The following ARHGEF18 variants were observed in gnomAD, a reference collection of about 807,000 sequenced individuals.
The protein encoded by ARHGEF18 is rho guanine nucleotide exchange factor 18.
A neutral mutation model predicts 155.7 loss-of-function variants in ARHGEF18; 93 were observed. That is an observed-to-expected ratio of 0.60 (90% CI 0.50 to 0.71). The LOEUF (loss-of-function observed/expected upper bound fraction) is 0.71. Ranked by LOEUF, ARHGEF18 falls within the 30% of genes least tolerant of loss-of-function variation. ARHGEF18 has a pLI of 0.00. For synonymous variants in ARHGEF18, 742 were observed against 753.1 expected, an observed-to-expected ratio of 0.99 and a Z score of 0.24; for missense variants, 1,593 against 1,816.1, an observed-to-expected ratio of 0.88 and a Z score of 2.23.
chr19:7,457,354 T>TC (rs1975905936), intron 18 of ARHGEF18, among the ~76,000 whole-genome samples: 1 of 25,962 alleles, frequency 3.9e-5, no homozygotes, highest in African/African-American at 2.0e-4. Flanking sequence ...ATCACCTCTC[T>TC]TTTTTTTTTT....
chr19:7,380,462 G>A (rs2145438694), intron 7 of ARHGEF18, among the ~76,000 whole-genome samples: 1 of 146,452 alleles, frequency 6.8e-6, no homozygotes, highest in African/African-American at 2.6e-5. Context: ...CTGGGTGACA[G>A]AGCGAGACTC....
At chr19:7,398,700 A>AT (rs1555708451) in intron 10 of ARHGEF18, among the ~76,000 whole-genome samples, 4 of 139,602 alleles carry the variant, frequency 2.9e-5, no homozygotes, top group African/African-American at 1.2e-4. Flanking sequence ...CAAAAAAAAA[A>AT]AAAAAAATAA....
At chr19:7,457,131 CAT>C (rs1422466494) in intron 18 of ARHGEF18, among the ~76,000 whole-genome samples, 2 of 152,060 alleles carry the variant, frequency 1.3e-5, no homozygotes, top group Non-Finnish European at 2.9e-5. Context: ...TTTATTGTCT[CAT>C]GTTTCTGCAG....
chr19:7,473,806 C>G (rs533632331), downstream of ARHGEF18, among the ~76,000 whole-genome samples: 162 of 72,388 alleles, frequency 2.2e-3, 1 homozygote, highest in African/African-American at 0.01. Context: ...GAGACTCCGT[C>G]TCAAAAAAAA....
intron 18 of ARHGEF18, among the ~76,000 whole-genome samples, chr19:7,458,214 G>T (rs970743344): frequency 6.7e-6 from 1 of 150,288 alleles, no homozygotes; most frequent in African/African-American, 2.5e-5. Flanking sequence ...TTGAGCCCAG[G>T]AGGTCAAGGC....
chr19:7,439,479 G>T (rs1974489824), intron 10 of ARHGEF18, among the ~76,000 whole-genome samples: 1 of 151,994 alleles, frequency 6.6e-6, no homozygotes, highest in Non-Finnish European at 1.5e-5. Flanking sequence ...TTAAAAAGTT[G>T]CATCTTTCCA....
chr19:7,469,100 G>C lies in ARHGEF18; in HGVS notation c.3756G>C (p.Lys1252Asn). The C allele has an allele frequency of 6.2e-7, 1 of 1,607,766 alleles. No individual in the cohort carries two copies. Among genetic ancestry groups the C allele is most frequent in the South Asian group, 1.1e-5 (1 of 90,150 alleles). Reference protein sequence around the residue: ...STKGGKDKGGKSRGSQRWESS... With the variant: ...STKGGKDKGGNSRGSQRWESS... ...AGGGTGGCAAGGACAAGGGCGGCAA[G>C]AGCAGGGGCTCTCAGCGCTGGGAGA... is the stretch of plus-strand genomic sequence containing the variant. Residue 1252 changes from lysine to asparagine, a missense_variant, in exon 27 of 29, where the codon AAG (lysine) becomes AAC (asparagine). Coordinates refer to ENST00000668164, the MANE Select transcript of ARHGEF18 (RefSeq NM_001367823.1).
intron 4 of ARHGEF18, 72 bp downstream of exon 4, chr19:7,375,942 A>AG: frequency 8.1e-7 from 1 of 1,231,488 alleles, no homozygotes; most frequent in East Asian, 3.2e-5. Flanking sequence ...ATAGGTAGGA[A>AG]GGAGAGACTT....
rs80097936 is a variant in ARHGEF18, at chr19:7,386,531, T to C, written c.967+3328T>C. On this transcript the variant is annotated intron_variant, in intron 10 of 28. Transcript: ENST00000668164. The stretch of plus-strand genomic sequence containing the variant: ...TCCAGGGATAGCCTCTCCGAATTGG[T>C]GACATTGGAATCCAGATGTGGAGGA... 2.4e-3 allele frequency among the ~76,000 whole-genome samples: 366 copies of C among 151,930 alleles called. 15 individuals are homozygous for C. In the East Asian group the frequency reaches 0.064, roughly 27 times the overall value.
At chr19:7,476,290 T>C (rs1977225243), downstream of ARHGEF18, among the ~76,000 whole-genome samples, 1 of 152,186 alleles carries the variant, frequency 6.6e-6, no homozygotes, top group East Asian at 1.9e-4. Flanking sequence ...CCAGCCTGGG[T>C]GACAGAGATC....
chr19:7,367,134 T>G (rs2145369841), intron 2 of ARHGEF18, among the ~76,000 whole-genome samples: 1 of 152,268 alleles, frequency 6.6e-6, no homozygotes, highest in African/African-American at 2.4e-5. Flanking sequence ...AAGCATCTCA[T>G]TTCACCTGCA....
At position 7,468,906 on chromosome 19, in the gene ARHGEF18, G is replaced by A; in HGVS notation, c.3562G>A (p.Gly1188Arg). The A allele has an allele frequency of 6.3e-7, 1 of 1,576,178 alleles. No homozygotes were observed. The highest frequency in any genetic ancestry group is 2.4e-5 in the East Asian group (1 of 42,388). Residue 1188 changes from glycine (G) to arginine (R), a missense_variant, in exon 27 of 29, where the codon GGG (glycine) becomes AGG (arginine). By Grantham distance (125) the Gly-to-Arg change is moderately radical. Coordinates refer to ENST00000668164, the MANE Select transcript of ARHGEF18 (RefSeq NM_001367823.1). ...TGTGAGCATGCTGCCATCCGGCGTG[G>A]GGCCAGAGTACGCAGAGCGCCCCGA... ...PRVSMLPSGV[G>R]PEYAERPEVA...
At chr19:7,375,946 G>A in intron 4 of ARHGEF18, 76 bp downstream of exon 4, 4 of 1,230,636 alleles carry the variant, frequency 3.3e-6, no homozygotes, top group Non-Finnish European at 4.1e-6. Context: ...GTAGGAAGGA[G>A]AGACTTGCCA....
intron 23 of ARHGEF18, among the ~76,000 whole-genome samples, chr19:7,465,647 A>G (rs1485064531): frequency 1.3e-5 from 2 of 152,100 alleles, no homozygotes; most frequent in African/African-American, 4.8e-5. Flanking sequence ...GGGCTCAAGC[A>G]ATCCTCCTGC....
chr19:7,451,070 C>T, intron 15 of ARHGEF18, 79 bp from the exon 16 acceptor site: 1 of 1,333,256 alleles, frequency 7.5e-7, no homozygotes, highest in Non-Finnish European at 1.1e-6. Flanking sequence ...ATCTTGCTGT[C>T]CGTTTCTGAG....
At chr19:7,467,765 G>C (rs1349310364) in intron 26 of ARHGEF18, 81 bp downstream of exon 26, 1 of 1,343,190 alleles carries the variant, frequency 7.4e-7, no homozygotes, top group African/African-American at 1.5e-5. Flanking sequence ...GCAGGTGACA[G>C]GGTTCGCGGG....
chr19:7,477,056 C>T (rs1233311540), downstream of ARHGEF18: 1 of 685,212 alleles, frequency 1.5e-6, no homozygotes, highest in Non-Finnish European at 2.1e-6. Context: ...CCTGGGGGAC[C>T]TCGCATCAGT....
chr19:7,442,177 T>TTTTC (rs1177002523), intron 13 of ARHGEF18, 125 bp downstream of exon 13: 7 of 1,046,336 alleles, frequency 6.7e-6, no homozygotes, highest in East Asian at 2.5e-5. Flanking sequence ...TTCCTTATCT[T>TTTTC]TTTCTTTCTT....
intron 10 of ARHGEF18, among the ~76,000 whole-genome samples, chr19:7,388,453 TTC>T (rs1369782463): frequency 2.0e-5 from 3 of 152,068 alleles, no homozygotes; most frequent in East Asian, 1.9e-4. Context: ...CACTAGCACT[TTC>T]TCTCTTTCAC....
Sources: gnomAD v4.1 joint callset for allele counts (sites outside exome capture counted in the v4.1 genomes callset) on GRCh38, gnomAD v4.1.1 for gene constraint, MANE v1.5 for transcripts, NCBI Gene and HGNC (gene_info 2026-07-23, HGNC 2026-07-21) for gene names.